The following SYNE1 variants were observed in gnomAD, a reference collection of about 807,000 sequenced individuals.
SYNE1 encodes nesprin-1.
SYNE1 carries 616 observed loss-of-function variants against 1,111.0 expected under a neutral mutation model. That is an observed-to-expected ratio of 0.55 (90% confidence interval 0.52 to 0.59). The LOEUF (loss-of-function observed/expected upper bound fraction) is 0.59. Among genes scored for constraint, SYNE1 ranks in the 20% least tolerant of loss-of-function variants. The pLI is 0.00. For missense variants in SYNE1, 10,006 were observed against 10,417.0 expected (o/e 0.96, Z 1.72); for synonymous variants, 3,855 against 3,825.8 (o/e 1.01, Z -0.28).
In SYNE1 at chr6:152,213,746, A is replaced by G; in HGVS notation, c.22360T>C (p.Phe7454Leu). The change falls in exon 123 of 146, where the codon TTT becomes CTT. Residue 7454 changes from phenylalanine (F) to leucine (L), a missense_variant. Phe to Leu is a conservative substitution (Grantham distance 22). Transcript: ENST00000367255. ...AAGAAAGTCTGATGTTGTAGCAAAA[A>G]TGACTGCAACTTGCTGAAAGAACAA... ...TTERFSKLQSFLLQHQTFLEK... is the reference protein window; with the variant it reads ...TTERFSKLQSLLLQHQTFLEK... The G allele has an allele frequency of 6.2e-7, 1 of 1,614,112 alleles. No homozygotes were observed. Among genetic ancestry groups the G allele is most frequent in the Non-Finnish European group, 8.5e-7 (1 of 1,179,992 alleles).
In SYNE1 at chr6:152,232,218, C is replaced by T; in HGVS notation, c.20760G>A (p.Met6920Ile). The change falls in exon 113 of 146, where the codon ATG becomes ATA. Residue 6920 changes from methionine (M) to isoleucine (I), a missense_variant. Met to Ile is a conservative substitution (Grantham distance 10). This residue lies in a region of SYNE1 where 2,182 missense variants were observed against 2,287.8 expected (regional missense o/e 0.95). Transcript: ENST00000367255. Reference sequence around the variant, plus strand: ...CATTTTCCATTAGAGAAATCCAACTCATGACTTCAGAAATGGCATGGCGGG... The same window carrying T: ...CATTTTCCATTAGAGAAATCCAACTTATGACTTCAGAAATGGCATGGCGGG... Reference protein sequence around the residue: ...LPSRHAISEVMSWISLMENVI... With the variant: ...LPSRHAISEVISWISLMENVI... 6.2e-7 allele frequency: 1 copy of T among 1,614,014 alleles called. No individual in the cohort carries two copies. The highest frequency in any genetic ancestry group is 8.5e-7 in the Non-Finnish European group (1 of 1,179,958).
intron 93 of SYNE1, among the ~76,000 whole-genome samples, chr6:152,298,193 T>C (rs1249208671): frequency 1.3e-5 from 2 of 152,222 alleles, no homozygotes; most frequent in Non-Finnish European, 2.9e-5. Context: ...TTAAGTAGTA[T>C]TGCTTCTCAC....
intron 144 of SYNE1, among the ~76,000 whole-genome samples, chr6:152,131,901 A>T (rs561088079): frequency 2.2e-4 from 34 of 152,348 alleles, no homozygotes; most frequent in African/African-American, 7.7e-4. Context: ...CATACCAGCC[A>T]CACGTTGAGT....
intron 6 of SYNE1, among the ~76,000 whole-genome samples, chr6:152,519,759 T>G (rs2099129779): frequency 6.6e-6 from 1 of 152,176 alleles, no homozygotes; most frequent in African/African-American, 2.4e-5. Context: ...TCCTAAGTTA[T>G]TTCCCAACTA....
chr6:152,541,394 T>C (rs1480573069), intron 3 of SYNE1, among the ~76,000 whole-genome samples: 2 of 152,120 alleles, frequency 1.3e-5, no homozygotes, highest in African/African-American at 4.8e-5. Context: ...TGTGTGACTA[T>C]TGTAAATGGG....
At chr6:152,441,932 A>T in intron 31 of SYNE1, 143 bp downstream of exon 31, 3 of 1,000,122 alleles carry the variant, frequency 3.0e-6, no homozygotes, top group Non-Finnish European at 4.6e-6. Context: ...TGTGATGATT[A>T]AAAGATGGTT....
In SYNE1 at chr6:152,331,710, C is replaced by T; in HGVS notation, c.12975G>A (p.Trp4325Ter). ...TTTTAATGAGGTCCTCAAGCTGAAA[C>T]CAACGTTGCTCTAAATGACTCGTCT... is the stretch of plus-strand genomic sequence containing the variant. The part of the protein sequence containing the change: ...KEQTSHLEQR[W>*]FQLEDLIKRK... Residue 4325 changes from tryptophan (W) to a stop codon, truncating the protein, a stop_gained, in exon 78 of 146, where the codon TGG becomes TGA. Coordinates refer to ENST00000367255, the MANE Select transcript of SYNE1 (RefSeq NM_182961.4). LOFTEE classifies it high-confidence loss of function. 1.2e-6 allele frequency: 2 copies of T among 1,614,206 alleles called. No homozygotes were observed. The highest frequency in any genetic ancestry group is 1.7e-6 in the Non-Finnish European group (2 of 1,180,030).
Position 152,449,769 on chromosome 6 carries a change from T to C in SYNE1, c.3396-128A>G, listed in dbSNP as rs2098631857. On this transcript the variant is annotated intron_variant, in intron 27 of 145. Transcript: ENST00000367255. Reference sequence around the variant, plus strand: ...GATTACCAAATTGATTAATAACTTTTCTGGAAACTATTCTTTTAACATGAA... The same window carrying C: ...GATTACCAAATTGATTAATAACTTTCCTGGAAACTATTCTTTTAACATGAA... 5.1e-6 allele frequency: 4 copies of C among 780,450 alleles called. No individual in the cohort carries two copies. The Admixed American group carries it at 8.6e-5, about 17-fold the overall frequency. 48.3% of individuals were successfully genotyped at this position (780,450 alleles called of 1,614,324 possible).
Position 152,321,831 on chromosome 6 carries a change from G to C in SYNE1, c.15973C>G (p.Arg5325Gly), listed in dbSNP as rs781354327. 20 of 1,613,618 alleles carry C rather than the reference G, an allele frequency of 1.2e-5. No homozygotes were observed. Among genetic ancestry groups the C allele is most frequent in the Non-Finnish European group, 1.7e-5 (20 of 1,179,934 alleles). Residue 5325 changes from arginine to glycine, a missense_variant, in exon 83 of 146, where the codon CGA becomes GGA. Arg to Gly is a moderately radical substitution (Grantham distance 125). Around this residue, in one of 7 missense-constraint regions of SYNE1, gnomAD observed 4,955 missense variants for 5,017.2 expected, o/e 0.99. Transcript: ENST00000367255. ...GKLVKQELKD[R>G]EMVETQINSV... ...TTGATCTGAGTCTCCACCATTTCTC[G>C]GTCCTTCAGCTCTTGCTTCACCAAC...
intron 130 of SYNE1, among the ~76,000 whole-genome samples, chr6:152,169,951 A>G (rs938690890): frequency 2.6e-5 from 4 of 152,156 alleles, no homozygotes; most frequent in African/African-American, 9.7e-5. Flanking sequence ...AAATGAAAAT[A>G]TTTTAAACTT....
chr6:152,293,469 A>C, intron 95 of SYNE1, 119 bp downstream of exon 95: 1 of 1,034,074 alleles, frequency 9.7e-7, no homozygotes, highest in East Asian at 2.4e-5. Flanking sequence ...AAGAACTGAT[A>C]AGGTTAAAAA....
chr6:152,225,311 A>G (rs1455604655), intron 116 of SYNE1, among the ~76,000 whole-genome samples: 1 of 151,738 alleles, frequency 6.6e-6, no homozygotes, highest in East Asian at 1.9e-4. Context: ...ACGCACACAC[A>G]CACACACACT....
rs79982259 is a variant in SYNE1, at chr6:152,576,111, C to T, written c.68-36090G>A. 1.4e-3 allele frequency among the ~76,000 whole-genome samples: 208 copies of T among 152,338 alleles called. 7 individuals carry two copies. The East Asian group carries it at 0.037, about 27-fold the overall frequency. On this transcript the variant is annotated intron_variant, in intron 3 of 145. Transcript: ENST00000367255. Reference sequence around the variant, plus strand: ...GTTTTTTCAAAAAAATAAGTACCAACCCATCTTTCTTTGCTAATGTTAACT... The same window carrying T: ...GTTTTTTCAAAAAAATAAGTACCAATCCATCTTTCTTTGCTAATGTTAACT...
intron 36 of SYNE1, 83 bp from the exon 37 acceptor site, chr6:152,428,475 A>C (rs2098394318): frequency 7.4e-6 from 10 of 1,359,066 alleles, no homozygotes; most frequent in Non-Finnish European, 1.0e-5. Flanking sequence ...TCATCGCAAA[A>C]TATTTTCCCT....
chr6:152,167,581 A>G (rs2063934067), intron 130 of SYNE1: 2 of 346,706 alleles, frequency 5.8e-6, no homozygotes, highest in Non-Finnish European at 1.2e-5. Context: ...TATATTTTAT[A>G]AGCTTCATAT....
At chr6:152,509,578 A>G (rs886097420) in intron 8 of SYNE1, among the ~76,000 whole-genome samples, 1 of 151,858 alleles carries the variant, frequency 6.6e-6, no homozygotes, top group Non-Finnish European at 1.5e-5. Flanking sequence ...TTTTCTATCC[A>G]CTATTATCAT....
Position 152,278,230 on chromosome 6 carries a change from T to C in SYNE1, c.18432A>G (p.Ser6144=), listed in dbSNP as rs769588658. Residue 6144 remains serine (S), a synonymous_variant, in exon 98 of 146, where the codon TCA becomes TCG. Transcript: ENST00000367255. ...CCAGCAGCAGGTTCTCATTGTGGAC[T>C]GACAGTTCTGATAAAGCCACCACCT... ...EQKVVALSEL[S]VHNENLLLEG... 8 of 1,614,172 alleles carry C rather than the reference T, an allele frequency of 5.0e-6. No individual in the cohort carries two copies. Among genetic ancestry groups the C allele is most frequent in the Non-Finnish European group, 6.8e-6 (8 of 1,180,034 alleles).
At chr6:152,311,586 C>T (rs929247597) in intron 87 of SYNE1, among the ~76,000 whole-genome samples, 2 of 152,140 alleles carry the variant, frequency 1.3e-5, no homozygotes, top group Non-Finnish European at 2.9e-5. Context: ...GGAAGAATCA[C>T]ATCTGAGCCC....
chr6:152,401,305 C>T lies in SYNE1; in HGVS notation c.6862G>A (p.Ala2288Thr). 2 of 1,614,024 alleles carry T rather than the reference C, an allele frequency of 1.2e-6. No individual in the cohort carries two copies. The highest frequency in any genetic ancestry group is 1.7e-6 in the Non-Finnish European group (2 of 1,180,026). ...EADLMQKLEH[A>T]KEITEVAKGT... ...TTTGCTACTTCAGTTATTTCTTTGG[C>T]ATGCTCCAGTTTCTGCATTAAGTCT... is the stretch of plus-strand genomic sequence containing the variant. Residue 2288 changes from alanine (A) to threonine (T), a missense_variant, in exon 47 of 146, where the codon GCC (alanine) becomes ACC (threonine). Ala to Thr is a moderately conservative substitution (Grantham distance 58, BLOSUM62 0). Coordinates refer to ENST00000367255, the MANE Select transcript of SYNE1 (RefSeq NM_182961.4).
Sources: gnomAD v4.1 joint callset for allele counts (sites outside exome capture counted in the v4.1 genomes callset) on GRCh38, gnomAD v4.1.1 for gene constraint, gnomAD v4.1.1 regional missense constraint, MANE v1.5 for transcripts, NCBI Gene and HGNC (gene_info 2026-07-23, HGNC 2026-07-21) for gene names.